Variants in HOPX observed in about 807,000 individuals in gnomAD.
The protein encoded by HOPX is HOP homeobox.
A neutral mutation model predicts 11.8 loss-of-function variants in HOPX; 5 were observed. The ratio of observed to expected loss-of-function variants is 0.43; its 90% CI spans 0.22 to 0.89. HOPX has a LOEUF of 0.89. Among genes scored for constraint, HOPX ranks in the 40% least tolerant of loss-of-function variants. The pLI is 0.28. For missense variants in HOPX, 119 were observed against 120.0 expected, an observed-to-expected ratio of 0.99 and a Z score of 0.04; for synonymous variants, 49 against 49.7, an observed-to-expected ratio of 0.99 and a Z score of 0.06.
intron 1 of HOPX, among the ~76,000 whole-genome samples, chr4:56,677,245 G>C (rs1239665607): frequency 6.6e-6 from 1 of 151,626 alleles, no homozygotes; most frequent in Non-Finnish European, 1.5e-5. Flanking sequence ...CAATCTAACA[G>C]GGCCCACAAC....
chr4:56,650,501 G>C, intron 3 of HOPX: 1 of 585,070 alleles, frequency 1.7e-6, no homozygotes, highest in East Asian at 3.0e-5. Flanking sequence ...GGGGGAGAAG[G>C]AGCAAGGCCT....
At chr4:56,652,777 G>C (rs1717332709) in intron 3 of HOPX, among the ~76,000 whole-genome samples, 1 of 151,998 alleles carries the variant, frequency 6.6e-6, no homozygotes, top group African/African-American at 2.4e-5. Flanking sequence ...CCATAGTCGT[G>C]CCACTGTACT....
At chr4:56,651,236 G>T (rs1717139410) in intron 3 of HOPX, 1 of 154,084 alleles carries the variant, frequency 6.5e-6, no homozygotes, top group African/African-American at 2.4e-5. Flanking sequence ...TTGTGGTTTT[G>T]TGAGTTGGTA....
intron 1 of HOPX, among the ~76,000 whole-genome samples, chr4:56,669,109 C>T (rs1395207738): frequency 6.6e-6 from 1 of 152,180 alleles, no homozygotes; most frequent in Non-Finnish European, 1.5e-5. Context: ...GGGAGTTTCT[C>T]TTCTCAAATT....
intron 3 of HOPX, among the ~76,000 whole-genome samples, chr4:56,652,701 T>A (rs1717324875): frequency 1.3e-5 from 2 of 152,026 alleles, no homozygotes; most frequent in African/African-American, 4.8e-5. Context: ...TATGCCTATA[T>A]CCCAGCTACT....
At chr4:56,655,728 G>T in intron 3 of HOPX, 129 bp downstream of exon 3, 1 of 1,118,734 alleles carries the variant, frequency 8.9e-7, no homozygotes, top group South Asian at 1.4e-5. Context: ...CCTGGGATGC[G>T]GGCAGAAGCG....
chr4:56,680,005 G>C (rs1719242684), intron 1 of HOPX: 1 of 152,030 alleles, frequency 6.6e-6, no homozygotes, highest in Non-Finnish European at 1.5e-5. Context: ...ATTGACATAA[G>C]ACCTTCATGA....
intron 2 of HOPX, 97 bp downstream of exon 2, chr4:56,657,678 G>T: frequency 1.4e-6 from 1 of 720,224 alleles, no homozygotes; most frequent in Non-Finnish European, 2.6e-6. Context: ...GGCAGGAGAG[G>T]GTCATACCAG....
In HOPX at chr4:56,650,876, T is replaced by C. The variant is rs549114199; in HGVS notation, c.199-2079A>G. 219 of 1,457,184 alleles carry C rather than the reference T, an allele frequency of 1.5e-4. 2 individuals carry two copies. In the African/African-American group the frequency reaches 2.4e-3, roughly 16 times the overall value. The allele number at this position is 1,457,184 out of a possible 1,614,324, so 90.3% of individuals were successfully genotyped here. A position where few individuals can be genotyped will look rare whatever the true frequency, so the allele number is the denominator to read the frequency against. ...TCAATCGAAATTCTACTGCTAAGGGTGGGCCCATTTTCTTCTGTAACCTGT... is the reference window on the plus strand; with the variant it reads ...TCAATCGAAATTCTACTGCTAAGGGCGGGCCCATTTTCTTCTGTAACCTGT... On this transcript the variant is annotated intron_variant, in intron 3 of 3. Coordinates refer to ENST00000420433, the MANE Select transcript of HOPX (RefSeq NM_032495.6).
rs180824011 is a variant in HOPX, at chr4:56,670,945, C to T, written c.-84+10310G>A. Among the ~76,000 whole-genome samples, 8 of 150,058 alleles carry T rather than the reference C, an allele frequency of 5.3e-5. No homozygotes were observed. In the East Asian group the frequency reaches 1.4e-3, roughly 26 times the overall value. On this transcript the variant is annotated intron_variant, in intron 1 of 3. Transcript: ENST00000420433. Reference sequence around the variant, plus strand: ...CCGGGAGGCGGAGGTTGCAATGAGCCGAGATTGTGCCGTTGCACTCCAGCC... The same window carrying T: ...CCGGGAGGCGGAGGTTGCAATGAGCTGAGATTGTGCCGTTGCACTCCAGCC...
At chr4:56,656,878 T>C (rs1717784038) in intron 2 of HOPX, among the ~76,000 whole-genome samples, 1 of 152,162 alleles carries the variant, frequency 6.6e-6, no homozygotes, top group South Asian at 2.1e-4. Flanking sequence ...CCTGCCTCAC[T>C]GTGTGCTCCC....
intron 3 of HOPX, among the ~76,000 whole-genome samples, chr4:56,651,873 AGTGTGTGTGTGTGTGTGTGTGT>A (rs796685500): frequency 1.5e-5 from 2 of 136,678 alleles, no homozygotes; most frequent in African/African-American, 5.5e-5. Context: ...AGAGAGAGAG[AGTGTGTGTGTGTGTGTGTGTGT>A]GTGTGTGTGT....
intron 1 of HOPX, among the ~76,000 whole-genome samples, chr4:56,658,816 C>T (rs1717936095): frequency 6.6e-6 from 1 of 152,222 alleles, no homozygotes; most frequent in Non-Finnish European, 1.5e-5. Context: ...CATATCTCAT[C>T]AGACATTCAA....
At chr4:56,673,482 T>C (rs1201566904) in intron 1 of HOPX, among the ~76,000 whole-genome samples, 3 of 152,216 alleles carry the variant, frequency 2.0e-5, no homozygotes, top group Non-Finnish European at 2.9e-5. Context: ...CTTTCCACTA[T>C]ATTTTTTGTA....
chr4:56,656,248 G>C, intron 2 of HOPX: 1 of 1,159,794 alleles, frequency 8.6e-7, no homozygotes, highest in African/African-American at 1.6e-5. Context: ...AGAGCCTAGC[G>C]TCCTGCGCCT....
rs187977562 is a variant in HOPX, at chr4:56,653,480, G to A, written c.198+2377C>T. 3.4e-3 allele frequency among the ~76,000 whole-genome samples: 517 copies of A among 152,306 alleles called. 1 individual carries two copies. The highest frequency in any genetic ancestry group is 0.011 in the African/African-American group (464 of 41,566). On this transcript the variant is annotated intron_variant, in intron 3 of 3. Coordinates refer to ENST00000420433, the MANE Select transcript of HOPX (RefSeq NM_032495.6). ...GTAGTGGGGTGAGAGGGGAAAGAAT[G>A]GGAAATTGAAAGATGACACCCAATC...
At chr4:56,675,721 C>A (rs1316118987) in intron 1 of HOPX, among the ~76,000 whole-genome samples, 1 of 151,712 alleles carries the variant, frequency 6.6e-6, no homozygotes, top group Non-Finnish European at 1.5e-5. Context: ...AGGAAGACAG[C>A]AGATACATGC....
intron 1 of HOPX, among the ~76,000 whole-genome samples, chr4:56,669,214 C>G (rs541125976): frequency 6.6e-6 from 1 of 152,252 alleles, no homozygotes; most frequent in South Asian, 2.1e-4. Flanking sequence ...AACACAGAGG[C>G]CTATTCTAGG....
At chr4:56,673,788 T>C (rs2109546082) in intron 1 of HOPX, among the ~76,000 whole-genome samples, 1 of 152,276 alleles carries the variant, frequency 6.6e-6, no homozygotes, top group African/African-American at 2.4e-5. Flanking sequence ...CCCTGCAGCC[T>C]TCGCCTCCCG....
Sources: allele counts gnomAD v4.1 joint callset (sites outside exome capture counted in the v4.1 genomes callset), GRCh38; gene constraint gnomAD v4.1.1; transcripts MANE v1.5; gene names NCBI Gene and HGNC (gene_info 2026-07-23, HGNC 2026-07-21).